The following SLC41A2 variants were observed in gnomAD, a reference collection of about 807,000 sequenced individuals.
SLC41A2 encodes SLC41A1-like 1.
Under a neutral mutation model 58.3 loss-of-function variants are expected in SLC41A2, and 32 were observed. That is an observed-to-expected ratio of 0.55 (90% CI 0.41 to 0.74). SLC41A2 has a LOEUF of 0.74. Among genes scored for constraint, SLC41A2 ranks in the 30% least tolerant of loss-of-function variants. The pLI is 0.00. For synonymous variants in SLC41A2, 190 were observed against 235.0 expected (o/e 0.81, Z 1.75); for missense variants, 514 against 680.6 (o/e 0.76, Z 2.72).
chr12:104,812,340 C>T (rs993637431), intron 10 of SLC41A2, among the ~76,000 whole-genome samples: 1 of 152,108 alleles, frequency 6.6e-6, no homozygotes, highest in South Asian at 2.1e-4. Flanking sequence ...GTGTTTGGCA[C>T]ATTGGAAGAA....
chr12:104,814,841 T>A (rs1038166232), intron 10 of SLC41A2, among the ~76,000 whole-genome samples: 2 of 152,248 alleles, frequency 1.3e-5, no homozygotes, highest in African/African-American at 4.8e-5. Context: ...GAAGTCTGGT[T>A]TCTAACACTA....
At chr12:104,919,788 C>T (rs755732601) in intron 2 of SLC41A2, among the ~76,000 whole-genome samples, 11 of 152,052 alleles carry the variant, frequency 7.2e-5, no homozygotes, top group Non-Finnish European at 1.5e-4. Context: ...GTCTTTTCAT[C>T]CTTTTAGCAT....
At chr12:104,951,228 A>G (rs1248250341) in intron 1 of SLC41A2, among the ~76,000 whole-genome samples, 1 of 152,226 alleles carries the variant, frequency 6.6e-6, no homozygotes, top group Non-Finnish European at 1.5e-5. Flanking sequence ...TCCCATATTT[A>G]GAGTTATTTC....
chr12:104,855,071 C>T (rs1181618714), intron 8 of SLC41A2, among the ~76,000 whole-genome samples: 1 of 152,186 alleles, frequency 6.6e-6, no homozygotes, highest in Non-Finnish European at 1.5e-5. Context: ...TGCCAACAAA[C>T]GTACCCACAT....
chr12:104,915,287 A>C (rs2046262905), intron 2 of SLC41A2, among the ~76,000 whole-genome samples: 1 of 152,236 alleles, frequency 6.6e-6, no homozygotes, highest in Non-Finnish European at 1.5e-5. Context: ...AAAAAAACAC[A>C]TACTCCAAAT....
intron 10 of SLC41A2, among the ~76,000 whole-genome samples, chr12:104,844,136 A>G (rs2042519221): frequency 6.6e-6 from 1 of 152,184 alleles, no homozygotes; most frequent in South Asian, 2.1e-4. Flanking sequence ...TAAAACTAGA[A>G]CCATTGGTAA....
chr12:104,942,799 T>C (rs907153616), intron 1 of SLC41A2, among the ~76,000 whole-genome samples: 1 of 152,226 alleles, frequency 6.6e-6, no homozygotes, highest in Non-Finnish European at 1.5e-5. Flanking sequence ...ATTTATGTTT[T>C]ATTCTTACGT....
At chr12:104,879,774 T>C (rs1456610783) in intron 6 of SLC41A2, among the ~76,000 whole-genome samples, 2 of 152,174 alleles carry the variant, frequency 1.3e-5, no homozygotes, top group African/African-American at 4.8e-5. Context: ...GTCTTGGCAA[T>C]GTGGGCTCTT....
chr12:104,875,625 C>T, intron 6 of SLC41A2, among the ~76,000 whole-genome samples: 1 of 152,062 alleles, frequency 6.6e-6, no homozygotes, highest in East Asian at 1.9e-4. Context: ...GACCCTGTCT[C>T]CAACAAAATA....
intron 8 of SLC41A2, 133 bp downstream of exon 8, chr12:104,861,158 G>A: frequency 1.9e-6 from 1 of 521,302 alleles, no homozygotes; most frequent in Non-Finnish European, 3.4e-6. Context: ...GCAACAACTT[G>A]GGGTTGGAGG....
chr12:104,840,943 T>C (rs1226187558), intron 10 of SLC41A2, among the ~76,000 whole-genome samples: 2 of 152,130 alleles, frequency 1.3e-5, no homozygotes, highest in African/African-American at 4.8e-5. Context: ...AAGACCAAAA[T>C]TGAGAGATGA....
rs560401150 is a variant in SLC41A2, at chr12:104,882,414, C to T, written c.1027+3879G>A. Among the ~76,000 whole-genome samples, 6 of 152,158 alleles carry T rather than the reference C, an allele frequency of 3.9e-5. No homozygotes were observed. The South Asian group carries it at 8.3e-4, about 21-fold the overall frequency. ...AATTGATGCAGTTTCTTCATAGCATCGATGGTATTTACAATTTGGCATGTT... is the reference window on the plus strand; with the variant it reads ...AATTGATGCAGTTTCTTCATAGCATTGATGGTATTTACAATTTGGCATGTT... On this transcript the variant is annotated intron_variant, in intron 6 of 10. Transcript: ENST00000258538.
intron 3 of SLC41A2, among the ~76,000 whole-genome samples, chr12:104,904,868 G>A (rs1459388337): frequency 6.6e-6 from 1 of 152,156 alleles, no homozygotes; most frequent in East Asian, 1.9e-4. Context: ...CCCAAAGAGT[G>A]AGCAGTAGCA....
intron 1 of SLC41A2, among the ~76,000 whole-genome samples, chr12:104,939,311 C>T (rs1009809780): frequency 2.0e-5 from 3 of 152,148 alleles, no homozygotes; most frequent in Non-Finnish European, 4.4e-5. Context: ...GATCCTTGCA[C>T]CTTAGCCTCC....
At chr12:104,809,701 T>C (rs1029671270) in intron 10 of SLC41A2, among the ~76,000 whole-genome samples, 5 of 152,206 alleles carry the variant, frequency 3.3e-5, no homozygotes, top group African/African-American at 1.2e-4. Context: ...CTGAGCCTAG[T>C]ATTCTCATTT....
chr12:104,902,519 G>C (rs17036494), intron 3 of SLC41A2, among the ~76,000 whole-genome samples: 5,775 of 152,228 alleles, frequency 0.038, 153 homozygotes, highest in East Asian at 0.11. Flanking sequence ...TCAAAGTCAG[G>C]AAAGAGTCTG....
chr12:104,853,701 TTAAA>T (rs1318045295), intron 8 of SLC41A2, among the ~76,000 whole-genome samples: 13 of 143,392 alleles, frequency 9.1e-5, no homozygotes, highest in African/African-American at 2.6e-4. Context: ...GCATTATTTT[TTAAA>T]TAAATGTATG....
At chr12:104,948,745 G>A (rs548574157) in intron 1 of SLC41A2, among the ~76,000 whole-genome samples, 17 of 152,332 alleles carry the variant, frequency 1.1e-4, no homozygotes, top group Admixed American at 7.8e-4. Flanking sequence ...GAACCAAGGT[G>A]TATCATCAGT....
At chr12:104,884,512 T>C (rs2044558049) in intron 6 of SLC41A2, among the ~76,000 whole-genome samples, 1 of 152,170 alleles carries the variant, frequency 6.6e-6, no homozygotes, top group Non-Finnish European at 1.5e-5. Flanking sequence ...GGGTAACCTG[T>C]CCCAGAACCA....
Sources: gnomAD v4.1 joint callset for allele counts (sites outside exome capture counted in the v4.1 genomes callset) on GRCh38, gnomAD v4.1.1 for gene constraint, MANE v1.5 for transcripts, NCBI Gene and HGNC (gene_info 2026-07-23, HGNC 2026-07-21) for gene names.